The following RNF213 variants were observed in gnomAD, a reference collection of about 807,000 sequenced individuals.
The protein encoded by RNF213 is E3 ubiquitin-protein ligase RNF213.
RNF213 carries 341 observed loss-of-function variants against 514.4 expected under a neutral mutation model. That is an observed-to-expected ratio of 0.66 (90% CI 0.61 to 0.73). The LOEUF (loss-of-function observed/expected upper bound fraction) is 0.73, where lower values mean the gene tolerates loss of function less well. RNF213 is among the 30% of genes least tolerant of loss of function. The pLI, the probability that RNF213 is intolerant of heterozygous loss-of-function variation, is 0.00. For synonymous variants in RNF213, 2,655 were observed against 2,658.2 expected (o/e 1.00, Z 0.04); for missense variants, 5,767 against 6,615.6 (o/e 0.87, Z 4.45).
intron 3 of RNF213, chr17:80,278,840 C>T: frequency 6.5e-7 from 1 of 1,537,176 alleles, no homozygotes; most frequent in Non-Finnish European, 8.7e-7. Flanking sequence ...AATGCCATAC[C>T]CAGCAAGAGA....
chr17:80,377,238 G>C lies in RNF213; in HGVS notation c.13510+275G>C. 4.1e-6 allele frequency: 2 copies of C among 483,878 alleles called. No homozygotes were observed. Among genetic ancestry groups the C allele is most frequent in the South Asian group, 4.2e-5 (2 of 47,914 alleles). The allele number at this position is 483,878 out of a possible 1,614,324, so 30.0% of individuals were successfully genotyped here. On this transcript the variant is annotated intron_variant, in intron 53 of 67. Transcript: ENST00000582970. The surrounding 1 kb of genome is among the most constrained non-coding windows in gnomAD (Gnocchi z 4.1). ...TCTGGAATATGCCATTTTGGGAGAA[G>C]GGAGGGACTGGGAACCACATCAGAG... is the stretch of plus-strand genomic sequence containing the variant.
At chr17:80,278,308 G>A (rs1057234265) in intron 3 of RNF213, among the ~76,000 whole-genome samples, 8 of 152,224 alleles carry the variant, frequency 5.3e-5, no homozygotes, top group Admixed American at 1.3e-4. Flanking sequence ...GCCCGCCTCC[G>A]CCTCTAGGGG....
At position 80,339,195 on chromosome 17, in the gene RNF213, C is replaced by T. The variant is rs1295616708; in HGVS notation, c.4834-6C>T. ...GTGAGCCAACCTCATGGTTCTGCCT[C>T]TCCAGGTCTTCTGCAGTGTGCAGAG... On this transcript the variant is annotated splice_polypyrimidine_tract_variant and splice_region_variant and intron_variant, in intron 25 of 67. Coordinates refer to ENST00000582970, the MANE Select transcript of RNF213 (RefSeq NM_001256071.3). The T allele has an allele frequency of 6.8e-6, 10 of 1,466,932 alleles. No individual in the cohort carries two copies. The highest frequency in any genetic ancestry group is 1.4e-5 in the South Asian group (1 of 72,086). The allele number at this position is 1,466,932 out of a possible 1,614,324, so 90.9% of individuals were successfully genotyped here.
intron 3 of RNF213, among the ~76,000 whole-genome samples, chr17:80,286,233 G>A (rs1050815836): frequency 1.3e-5 from 2 of 152,044 alleles, no homozygotes; most frequent in African/African-American, 4.8e-5. Flanking sequence ...CAGGCCGAGC[G>A]GGAGGCTGGA....
rs1370391263 is a variant in RNF213, at chr17:80,265,551, A to T, written c.97+1773A>T. 2.0e-5 allele frequency among the ~76,000 whole-genome samples: 3 copies of T among 152,336 alleles called. No individual in the cohort carries two copies. In the East Asian group the frequency reaches 5.8e-4, roughly 29 times the overall value. ...ACAGTGATGCTGGCTGGTTGCCCCC[A>T]GCGTCACTGAGAAAGTGGTGAAAAG... On this transcript the variant is annotated intron_variant, in intron 2 of 67. Transcript: ENST00000582970.
chr17:80,347,936 G>A lies in RNF213; in HGVS notation c.9601G>A (p.Val3201Ile). 6.2e-7 allele frequency: 1 copy of A among 1,614,098 alleles called. No individual in the cohort carries two copies. ...TGCGTGGGTGGAGAAGTTCATCAATGTCAAAGCACATCATTTCCAGAAGAG... is the reference window on the plus strand; with the variant it reads ...TGCGTGGGTGGAGAAGTTCATCAATATCAAAGCACATCATTTCCAGAAGAG... ...LCAWVEKFIN[V>I]KAHHFQKRHK... Residue 3201 changes from valine to isoleucine, a missense_variant, in exon 29 of 68, where the codon GTC becomes ATC. Physicochemically the swap from Val to Ile is conservative, Grantham distance 29 (BLOSUM62 3). Around this residue, in one of 13 missense-constraint regions of RNF213, gnomAD observed 919 missense variants for 1,121.0 expected, o/e 0.82. Transcript: ENST00000582970. This position sits in a 1 kb window ranked among gnomAD's most constrained non-coding sequence, Gnocchi z 7.2.
intron 50 of RNF213, chr17:80,375,005 G>A: frequency 4.3e-6 from 1 of 231,858 alleles, no homozygotes; most frequent in Non-Finnish European, 8.8e-6. Context: ...ACATATGTTG[G>A]TGTAGTGTGG....
chr17:80,375,908 G>GT, intron 51 of RNF213, 38 bp downstream of exon 51: 1 of 1,339,586 alleles, frequency 7.5e-7, no homozygotes, highest in Non-Finnish European at 1.1e-6. Context: ...CAAAGTCTCA[G>GT]TATTTGGAGG....
Position 80,355,987 on chromosome 17 carries a change from C to T in RNF213, c.10862+1411C>T, listed in dbSNP as rs908152468. On this transcript the variant is annotated intron_variant, in intron 36 of 67. Coordinates refer to ENST00000582970, the MANE Select transcript of RNF213 (RefSeq NM_001256071.3). ...AATATTTTCATTTCCCTCCGTTCCTCCTTGTGGACTCTCTTGATGCTTTTT... is the reference window on the plus strand; with the variant it reads ...AATATTTTCATTTCCCTCCGTTCCTTCTTGTGGACTCTCTTGATGCTTTTT... Among the ~76,000 whole-genome samples, 4 of 148,002 alleles carry T rather than the reference C, an allele frequency of 2.7e-5. No individual in the cohort carries two copies. In the South Asian group the frequency reaches 8.5e-4, roughly 32 times the overall value.
intron 55 of RNF213, 29 bp from the exon 56 acceptor site, chr17:80,380,800 CCT>C (rs759267469): frequency 1.9e-5 from 31 of 1,613,982 alleles, no homozygotes; most frequent in Admixed American, 1.8e-4. Context: ...CCAGCCTCAG[CCT>C]CTGTCTTGTG....
chr17:80,358,480 G>A lies in RNF213; in HGVS notation c.11054+1G>A. ...TTCCTCTTGTGATGAATAATGAAAG[G>A]TGAGTGGAAGGCTTTCTTTCCCTGG... On this transcript the variant is annotated splice_donor_variant, in intron 37 of 67. Transcript: ENST00000582970. LOFTEE classifies it high-confidence loss of function. 2 of 1,612,658 alleles carry A rather than the reference G, an allele frequency of 1.2e-6. No homozygotes were observed. The highest frequency in any genetic ancestry group is 1.1e-5 in the South Asian group (1 of 90,920).
chr17:80,370,415 A>T (rs1201235687), intron 46 of RNF213, among the ~76,000 whole-genome samples: 1 of 152,220 alleles, frequency 6.6e-6, no homozygotes, highest in East Asian at 1.9e-4. Context: ...AAACTATTTT[A>T]AAAATTAGAT....
intron 26 of RNF213, chr17:80,340,771 C>A: frequency 5.9e-6 from 1 of 170,302 alleles, no homozygotes; most frequent in South Asian, 1.5e-4. Flanking sequence ...CAGGTACCCA[C>A]CGCCATCCCT....
chr17:80,353,466 TG>T lies in RNF213; in HGVS notation c.10424-45del. ...CAGATGGCACCGCTGCCAGTCCCTG[TG>T]CCACCTTCTGAGTGGTAACGCAATC... is the stretch of plus-strand genomic sequence containing the variant. On this transcript the variant is annotated intron_variant, in intron 33 of 67. Transcript: ENST00000582970. The surrounding 1 kb of genome is among the most constrained non-coding windows in gnomAD (Gnocchi z 5.0). The T allele has an allele frequency of 2.5e-6, 4 of 1,571,334 alleles. No homozygotes were observed. The highest frequency in any genetic ancestry group is 3.5e-6 in the Non-Finnish European group (4 of 1,157,998).
chr17:80,321,317 G>A (rs1038137564), intron 17 of RNF213: 4 of 152,118 alleles, frequency 2.6e-5, no homozygotes, highest in Non-Finnish European at 5.9e-5. Flanking sequence ...AAAAAGTTTG[G>A]ATTTTGTAGT....
Position 80,372,664 on chromosome 17 carries a change from A to G in RNF213, c.12681A>G (p.Gln4227=), listed in dbSNP as rs747994707. Residue 4227 remains glutamine (Q), a synonymous_variant, in exon 48 of 68, where the codon CAA becomes CAG. Transcript: ENST00000582970. ...PANEASVEYL[Q]EVARIRLCLD... The stretch of plus-strand genomic sequence containing the variant: ...ACGAGGCCTCGGTTGAATACCTGCA[A>G]GAGGTGGCCCGGATCCGCCTCTGCC... 6.2e-7 allele frequency: 1 copy of G among 1,614,058 alleles called. No homozygotes were observed. The highest frequency in any genetic ancestry group is 1.7e-5 in the Admixed American group (1 of 60,020).
Position 80,361,876 on chromosome 17 carries a change from G to A in RNF213, c.11343G>A (p.Glu3781=), listed in dbSNP as rs2079067856. 5 of 1,612,814 alleles carry A rather than the reference G, an allele frequency of 3.1e-6. No homozygotes were observed. Among genetic ancestry groups the A allele is most frequent in the Non-Finnish European group, 4.2e-6 (5 of 1,179,234 alleles). ...FILLTMRVST[E]EELKFLQMAL... Reference sequence around the variant, plus strand: ...TCTTGACCATGCGTGTGTCAACGGAGGAGGAATTAAAGGTAGATGTTTAGA... The same window carrying A: ...TCTTGACCATGCGTGTGTCAACGGAAGAGGAATTAAAGGTAGATGTTTAGA... The change falls in exon 39 of 68, where the codon GAG becomes GAA. Residue 3781 remains glutamate (E), a synonymous_variant. Transcript: ENST00000582970.
intron 63 of RNF213, among the ~76,000 whole-genome samples, chr17:80,387,168 TGCAGG>T (rs1458731121): frequency 6.6e-6 from 1 of 152,226 alleles, no homozygotes; most frequent in Non-Finnish European, 1.5e-5. Flanking sequence ...TCACCGAGGC[TGCAGG>T]GCAGTGGTGC....
In RNF213 at chr17:80,338,590, C is replaced by T. The variant is rs534595460; in HGVS notation, c.4833+593C>T. Among the ~76,000 whole-genome samples the T allele has an allele frequency of 8.5e-4, 129 of 151,706 alleles. 1 individual carries two copies. Among genetic ancestry groups the T allele is most frequent in the African/African-American group, 3.0e-3 (126 of 41,380 alleles). On this transcript the variant is annotated intron_variant, in intron 25 of 67. Coordinates refer to ENST00000582970, the MANE Select transcript of RNF213 (RefSeq NM_001256071.3). Reference sequence around the variant, plus strand: ...TTTTAGCCCAGGAGTTCATGACCAGCCTGGGCAACATAGCGAGACCCTGTC... The same window carrying T: ...TTTTAGCCCAGGAGTTCATGACCAGTCTGGGCAACATAGCGAGACCCTGTC...
Sources: allele counts gnomAD v4.1 joint callset (sites outside exome capture counted in the v4.1 genomes callset), GRCh38; gene constraint gnomAD v4.1.1; regional missense constraint gnomAD v4.1.1; non-coding constraint Gnocchi (gnomAD v3.1); transcripts MANE v1.5; gene names NCBI Gene and HGNC (gene_info 2026-07-23, HGNC 2026-07-21).